The following MTMR2 variants were observed in gnomAD, a reference collection of about 807,000 sequenced individuals.
MTMR2 encodes myotubularin related protein 2.
In MTMR2, 55 loss-of-function variants were observed where a neutral mutation model predicts 86.9. The ratio of observed to expected loss-of-function variants is 0.63; its 90% confidence interval spans 0.51 to 0.79. MTMR2 has a LOEUF of 0.79. Ranked by LOEUF, MTMR2 falls within the 30% of genes least tolerant of loss-of-function variation. The pLI, the probability that MTMR2 is intolerant of heterozygous loss-of-function variation, is 0.00. For synonymous variants in MTMR2, 241 were observed against 266.8 expected, an observed-to-expected ratio of 0.90 and a Z score of 0.94; for missense variants, 659 against 772.3, an observed-to-expected ratio of 0.85 and a Z score of 1.74.
chr11:95,922,904 T>C lies in MTMR2; in HGVS notation c.80+971A>G, dbSNP rs529562079. ...AACTGATTGAAGGAGAAAATGAAAA[T>C]TGTGTGTTTTCACACAGCAGTTATC... On this transcript the variant is annotated intron_variant, in intron 1 of 14. Transcript: ENST00000346299. 1.8e-4 allele frequency among the ~76,000 whole-genome samples: 27 copies of C among 151,968 alleles called. No individual in the cohort carries two copies. The South Asian group carries it at 5.6e-3, about 31-fold the overall frequency.
intron 2 of MTMR2, among the ~76,000 whole-genome samples, chr11:95,878,362 A>G (rs1182498497): frequency 6.6e-6 from 1 of 151,776 alleles, no homozygotes; most frequent in African/African-American, 2.4e-5. Context: ...TACAGTAACA[A>G]TGAATATATG....
chr11:95,856,632 C>T (rs73531088), intron 7 of MTMR2, among the ~76,000 whole-genome samples: 7,165 of 151,732 alleles, frequency 0.047, 577 homozygotes, highest in African/African-American at 0.16. Flanking sequence ...TCTATTCTTA[C>T]TGCCACAATT....
At chr11:95,913,845 T>TA (rs1380537332) in intron 1 of MTMR2, among the ~76,000 whole-genome samples, 1 of 152,070 alleles carries the variant, frequency 6.6e-6, no homozygotes, top group Non-Finnish European at 1.5e-5. Flanking sequence ...TACAAAACAG[T>TA]AGTAAAATTA....
At chr11:95,885,155 T>C (rs957519788) in intron 2 of MTMR2, among the ~76,000 whole-genome samples, 1 of 152,302 alleles carries the variant, frequency 6.6e-6, no homozygotes, top group Non-Finnish European at 1.5e-5. Flanking sequence ...GGTAGTCATG[T>C]AATTCAGGAC....
At chr11:95,845,755 C>A (rs1449135911) in intron 10 of MTMR2, among the ~76,000 whole-genome samples, 1 of 151,846 alleles carries the variant, frequency 6.6e-6, no homozygotes, top group Non-Finnish European at 1.5e-5. Context: ...AAAATAACTT[C>A]AGCTCTTATT....
intron 1 of MTMR2, among the ~76,000 whole-genome samples, chr11:95,899,810 CA>C (rs1217619042): frequency 2.0e-5 from 3 of 152,112 alleles, no homozygotes; most frequent in African/African-American, 7.2e-5. Flanking sequence ...ATAAATAGAT[CA>C]TTTGGGGAAA....
At chr11:95,909,683 A>C (rs1866424386) in intron 1 of MTMR2, among the ~76,000 whole-genome samples, 1 of 152,040 alleles carries the variant, frequency 6.6e-6, no homozygotes, top group African/African-American at 2.4e-5. Flanking sequence ...ACATTTACTG[A>C]TATCATCAAT....
intron 12 of MTMR2, among the ~76,000 whole-genome samples, chr11:95,839,747 A>C (rs1340230846): frequency 6.6e-6 from 1 of 152,178 alleles, no homozygotes; most frequent in East Asian, 1.9e-4. Context: ...GTGCTATTCA[A>C]GTCTCTGTAC....
chr11:95,889,264 G>A (rs370364181), intron 1 of MTMR2, among the ~76,000 whole-genome samples: 1 of 151,876 alleles, frequency 6.6e-6, no homozygotes, highest in East Asian at 1.9e-4. Flanking sequence ...CGCCTGAGTA[G>A]CTGGGATTAC....
intron 1 of MTMR2, among the ~76,000 whole-genome samples, chr11:95,917,346 T>A (rs1866747297): frequency 6.6e-6 from 1 of 152,176 alleles, no homozygotes; most frequent in Admixed American, 6.5e-5. Context: ...TACAATAGCA[T>A]TAACTTGGCA....
chr11:95,865,429 T>C, intron 3 of MTMR2, 172 bp downstream of exon 3: 1 of 684,422 alleles, frequency 1.5e-6, no homozygotes, highest in Non-Finnish European at 2.6e-6. Context: ...TAGCAGCGGG[T>C]CTAGGCTTAC....
chr11:95,857,492 G>C (rs1186014584), intron 7 of MTMR2, 60 bp downstream of exon 7: 1 of 1,261,058 alleles, frequency 7.9e-7, no homozygotes, highest in Non-Finnish European at 1.2e-6. Flanking sequence ...GTTCCACCCA[G>C]TTTTCTTTGG....
At chr11:95,894,252 CATA>C (rs1865807864) in intron 1 of MTMR2, among the ~76,000 whole-genome samples, 1 of 152,138 alleles carries the variant, frequency 6.6e-6, no homozygotes, top group Non-Finnish European at 1.5e-5. Flanking sequence ...ATATTTCTAT[CATA>C]ATACCTGTAA....
At chr11:95,860,924 G>A (rs1223584779) in intron 5 of MTMR2, among the ~76,000 whole-genome samples, 1 of 152,082 alleles carries the variant, frequency 6.6e-6, no homozygotes, top group Non-Finnish European at 1.5e-5. Flanking sequence ...TTGAGAGGCC[G>A]AGATGGGCAG....
In MTMR2 at chr11:95,924,069, G is replaced by C; in HGVS notation, c.-115C>G. On this transcript the variant is annotated 5_prime_UTR_variant, in exon 1 of 15. Coordinates refer to ENST00000346299, the MANE Select transcript of MTMR2 (RefSeq NM_016156.6). The stretch of plus-strand genomic sequence containing the variant: ...GCCGCAGTCAGGCCAGCGCCGGCCC[G>C]GGAGGGAGACCGGAAGCGGCCATGT... 3 of 1,368,132 alleles carry C rather than the reference G, an allele frequency of 2.2e-6. No individual in the cohort carries two copies. Among genetic ancestry groups the C allele is most frequent in the Non-Finnish European group, 3.0e-6 (3 of 984,534 alleles). The allele number at this position is 1,368,132 out of a possible 1,614,324, so 84.7% of individuals were successfully genotyped here.
intron 11 of MTMR2, among the ~76,000 whole-genome samples, chr11:95,843,164 G>C (rs1211976762): frequency 6.6e-6 from 1 of 151,968 alleles, no homozygotes; most frequent in East Asian, 1.9e-4. Flanking sequence ...AAAAATTCAA[G>C]CTTTTGAGTG....
chr11:95,910,129 A>G lies in MTMR2; in HGVS notation c.80+13746T>C, dbSNP rs571628942. Among the ~76,000 whole-genome samples, 301 of 141,996 alleles carry G rather than the reference A, an allele frequency of 2.1e-3. 2 individuals are homozygous for G. The highest frequency in any genetic ancestry group is 7.4e-3 in the African/African-American group (282 of 38,156). 93.2% of individuals were successfully genotyped at this position (141,996 alleles called of 152,430 possible). A position where few individuals can be genotyped will look rare whatever the true frequency, so the allele number is the denominator to read the frequency against. On this transcript the variant is annotated intron_variant, in intron 1 of 14. Coordinates refer to ENST00000346299, the MANE Select transcript of MTMR2 (RefSeq NM_016156.6). ...CACACACACACGCACGCATGCACGC[A>G]CACACACACACACACACACCCTACA... is the stretch of plus-strand genomic sequence containing the variant.
At chr11:95,890,655 T>C (rs1350782868) in intron 1 of MTMR2, among the ~76,000 whole-genome samples, 1 of 152,240 alleles carries the variant, frequency 6.6e-6, no homozygotes, top group Non-Finnish European at 1.5e-5. Flanking sequence ...TGTGCTGGCC[T>C]GCTGAGGACA....
intron 1 of MTMR2, among the ~76,000 whole-genome samples, chr11:95,907,236 C>A (rs1033146039): frequency 2.6e-5 from 4 of 152,076 alleles, no homozygotes; most frequent in Non-Finnish European, 5.9e-5. Flanking sequence ...ACTATGAATA[C>A]CTCTATAGAC....
Sources: allele counts gnomAD v4.1 joint callset (sites outside exome capture counted in the v4.1 genomes callset), GRCh38; gene constraint gnomAD v4.1.1; transcripts MANE v1.5; gene names NCBI Gene and HGNC (gene_info 2026-07-23, HGNC 2026-07-21).